RFTN2: variants seen among roughly 807,000 people sequenced by gnomAD.
RFTN2 encodes the protein raftlin family member 2, also known as raftlin-2.
A neutral mutation model predicts 52.7 loss-of-function variants in RFTN2; 34 were observed. The ratio of observed to expected loss-of-function variants is 0.64; its 90% confidence interval spans 0.49 to 0.86. RFTN2 has a LOEUF of 0.86. RFTN2 is among the 40% of genes least tolerant of loss of function. RFTN2 has a pLI of 0.00. For missense variants in RFTN2, 536 were observed against 600.1 expected, an observed-to-expected ratio of 0.89 and a Z score of 1.12; for synonymous variants, 203 against 217.7, an observed-to-expected ratio of 0.93 and a Z score of 0.59.
At chr2:197,656,050 G>C (rs1480754407) in intron 1 of RFTN2, among the ~76,000 whole-genome samples, 2 of 152,084 alleles carry the variant, frequency 1.3e-5, no homozygotes, top group African/African-American at 4.8e-5. Flanking sequence ...CAGAGCTCCA[G>C]GGTACTCATG....
intron 1 of RFTN2, among the ~76,000 whole-genome samples, chr2:197,650,826 T>G (rs2088815808): frequency 6.6e-6 from 1 of 152,202 alleles, no homozygotes. Flanking sequence ...GATTGCTGGA[T>G]CATATGGTAA....
intron 8 of RFTN2, chr2:197,588,105 A>G: frequency 2.3e-6 from 1 of 434,340 alleles, no homozygotes; most frequent in Admixed American, 2.9e-5. Flanking sequence ...AATAACACAC[A>G]TTTAATATAG....
intron 8 of RFTN2, among the ~76,000 whole-genome samples, chr2:197,592,162 A>G (rs912706528): frequency 6.6e-6 from 1 of 152,182 alleles, no homozygotes; most frequent in Non-Finnish European, 1.5e-5. Context: ...TGGGTAGGAA[A>G]AGTCTTGATA....
chr2:197,634,900 C>CA (rs1032279693), intron 3 of RFTN2, among the ~76,000 whole-genome samples: 39 of 129,358 alleles, frequency 3.0e-4, no homozygotes, highest in Non-Finnish European at 5.3e-4. Context: ...CCCCACCCCA[C>CA]AACAGTCCCC....
chr2:197,638,848 A>C (rs1410834208), intron 3 of RFTN2, among the ~76,000 whole-genome samples: 1 of 146,864 alleles, frequency 6.8e-6, no homozygotes, highest in South Asian at 2.3e-4. Context: ...TGGTCTTTAC[A>C]TTTTGGCATG....
At chr2:197,664,718 A>G (rs950150432) in intron 1 of RFTN2, among the ~76,000 whole-genome samples, 26 of 151,688 alleles carry the variant, frequency 1.7e-4, no homozygotes, top group African/African-American at 6.1e-4. Context: ...CTGGGAGGTC[A>G]AGGTTGCAGT....
At chr2:197,586,628 G>C (rs1005236829) in intron 8 of RFTN2, among the ~76,000 whole-genome samples, 1 of 152,146 alleles carries the variant, frequency 6.6e-6, no homozygotes, top group Non-Finnish European at 1.5e-5. Flanking sequence ...TAATTCCCTT[G>C]CTTGTCAGTT....
At chr2:197,590,501 CT>C (rs1452659805) in intron 8 of RFTN2, among the ~76,000 whole-genome samples, 1 of 152,180 alleles carries the variant, frequency 6.6e-6, no homozygotes, top group African/African-American at 2.4e-5. Context: ...CCTCAATTTC[CT>C]CCCCCACAAC....
intron 5 of RFTN2, among the ~76,000 whole-genome samples, chr2:197,629,947 C>A (rs1024046244): frequency 1.3e-5 from 2 of 152,142 alleles, no homozygotes; most frequent in Non-Finnish European, 2.9e-5. Flanking sequence ...TAGTCTCGAA[C>A]TCCTGGACTC....
intron 3 of RFTN2, among the ~76,000 whole-genome samples, chr2:197,640,739 T>A (rs2088658991): frequency 6.6e-6 from 1 of 152,178 alleles, no homozygotes; most frequent in Non-Finnish European, 1.5e-5. Context: ...CTGTTCCTAT[T>A]CGGCCATCTT....
chr2:197,617,979 C>T, intron 5 of RFTN2, 58 bp from the exon 6 acceptor site: 2 of 1,348,194 alleles, frequency 1.5e-6, no homozygotes, highest in Non-Finnish European at 2.0e-6. Context: ...CTCATAAAAC[C>T]ATCTAAATCC....
In RFTN2 at chr2:197,613,461, T is replaced by A. The variant is rs187436385; in HGVS notation, c.1154+2415A>T. The stretch of plus-strand genomic sequence containing the variant: ...ACAAGATCTGCTTAGCTCCAAAGCC[T>A]GGGCAGCTCATAACCATTCCTCTAG... On this transcript the variant is annotated intron_variant, in intron 7 of 8. Transcript: ENST00000295049. Among the ~76,000 whole-genome samples, 335 of 152,362 alleles carry A rather than the reference T, an allele frequency of 2.2e-3. 1 individual carries two copies. The highest frequency in any genetic ancestry group is 7.7e-3 in the African/African-American group (319 of 41,594).
intron 3 of RFTN2, among the ~76,000 whole-genome samples, chr2:197,643,483 C>T (rs2088703113): frequency 6.6e-6 from 1 of 152,138 alleles, no homozygotes; most frequent in Non-Finnish European, 1.5e-5. Context: ...TTTTTATTTA[C>T]ATTAAACATT....
At chr2:197,654,721 G>A (rs373274362) in intron 1 of RFTN2, among the ~76,000 whole-genome samples, 13 of 152,072 alleles carry the variant, frequency 8.5e-5, no homozygotes, top group African/African-American at 3.1e-4. Context: ...ATATAGGCTG[G>A]GCATGGTGGC....
rs184222797 is a variant in RFTN2 at position 197,574,376 on chromosome 2, T to G, written c.1234-2096A>C. Among the ~76,000 whole-genome samples the G allele has an allele frequency of 5.1e-4, 77 of 152,320 alleles. 2 individuals carry two copies. In the South Asian group the frequency reaches 8.3e-3, roughly 16 times the overall value. On this transcript the variant is annotated intron_variant, in intron 8 of 8. Coordinates refer to ENST00000295049, the MANE Select transcript of RFTN2 (RefSeq NM_144629.3). ...TTGATTGCCCCACTTGATTTTGGAC[T>G]TGTATGGGGCCTGTAACCCCATCAT...
At chr2:197,607,450 T>C (rs1057006395) in intron 7 of RFTN2, among the ~76,000 whole-genome samples, 7 of 150,158 alleles carry the variant, frequency 4.7e-5, no homozygotes, top group African/African-American at 1.7e-4. Flanking sequence ...CTGCACATTG[T>C]GCACATGTGC....
At chr2:197,659,621 T>G (rs1016135679) in intron 1 of RFTN2, among the ~76,000 whole-genome samples, 17 of 152,070 alleles carry the variant, frequency 1.1e-4, no homozygotes, top group African/African-American at 4.1e-4. Flanking sequence ...AGATCAAGAC[T>G]ATCCTGGCCA....
At chr2:197,647,119 A>G (rs2088764348) in intron 1 of RFTN2, among the ~76,000 whole-genome samples, 1 of 152,216 alleles carries the variant, frequency 6.6e-6, no homozygotes, top group African/African-American at 2.4e-5. Context: ...TTGAGTGACT[A>G]TATTTCCATT....
chr2:197,617,935 G>A lies in RFTN2; in HGVS notation c.929-14C>T. 1 of 1,587,122 alleles carries A rather than the reference G, an allele frequency of 6.3e-7. No homozygotes were observed. Among genetic ancestry groups the A allele is most frequent in the Non-Finnish European group, 8.6e-7 (1 of 1,166,076 alleles). On this transcript the variant is annotated splice_polypyrimidine_tract_variant and intron_variant, in intron 5 of 8. Transcript: ENST00000295049. ...GCAAATGTTCCCCTGTGAGGAAGAG[G>A]GTACAATTAAGAAGGGTTGTAAATA...
Sources: gnomAD v4.1 joint callset for allele counts (sites outside exome capture counted in the v4.1 genomes callset) on GRCh38, gnomAD v4.1.1 for gene constraint, MANE v1.5 for transcripts, NCBI Gene and HGNC (gene_info 2026-07-23, HGNC 2026-07-21) for gene names.